Variants in PIBF1 observed in about 807,000 individuals in gnomAD.
PIBF1 encodes progesterone-induced-blocking factor 1.
Under a neutral mutation model 112.5 loss-of-function variants are expected in PIBF1, and 90 were observed. The observed-to-expected ratio is 0.80, with a 90% CI of 0.67 to 0.95. The LOEUF (loss-of-function observed/expected upper bound fraction) is 0.95, where lower values mean the gene tolerates loss of function less well. PIBF1 is among the 40% of genes least tolerant of loss of function. The pLI is 0.00. For synonymous variants in PIBF1, 301 were observed against 288.6 expected (o/e 1.04, Z -0.44); for missense variants, 915 against 852.3 (o/e 1.07, Z -0.92).
intron 15 of PIBF1, among the ~76,000 whole-genome samples, chr13:72,971,067 A>C (rs2042875651): frequency 6.6e-6 from 1 of 152,188 alleles, no homozygotes; most frequent in South Asian, 2.1e-4. Flanking sequence ...AAAACACGAC[A>C]ATATAAAAGC....
At chr13:72,812,408 A>G (rs1461670099) in intron 5 of PIBF1, among the ~76,000 whole-genome samples, 1 of 152,074 alleles carries the variant, frequency 6.6e-6, no homozygotes, top group Non-Finnish European at 1.5e-5. Context: ...TTGTCATGGC[A>G]TTAGCACCAC....
At position 73,002,983 on chromosome 13, in the gene PIBF1, C is replaced by CAAAAAA. The variant is rs1161228077; in HGVS notation, c.2223+4007_2223+4012dup. Among the ~76,000 whole-genome samples, 196 of 57,394 alleles carry CAAAAAA rather than the reference C, an allele frequency of 3.4e-3. 18 individuals carry two copies. The highest frequency in any genetic ancestry group is 0.029 in the Middle Eastern group (1 of 34). 37.7% of individuals were successfully genotyped at this position (57,394 alleles called of 152,430 possible). ...GGACGACACAGCAAGACTCTGGTCT[C>CAAAAAA]AAAAAAAAAAAAAAAAAAAAAAAAG... is the stretch of plus-strand genomic sequence containing the variant. On this transcript the variant is annotated intron_variant, in intron 17 of 17. Coordinates refer to ENST00000326291, the MANE Select transcript of PIBF1 (RefSeq NM_006346.4).
chr13:72,958,833 A>G, intron 14 of PIBF1, among the ~76,000 whole-genome samples: 1 of 152,188 alleles, frequency 6.6e-6, no homozygotes, highest in East Asian at 1.9e-4. Context: ...TTTACGTACT[A>G]ATTTGGATGG....
At chr13:72,844,083 T>C (rs907987336) in intron 9 of PIBF1, among the ~76,000 whole-genome samples, 2 of 152,212 alleles carry the variant, frequency 1.3e-5, no homozygotes, top group African/African-American at 4.8e-5. Flanking sequence ...TACTCAACAC[T>C]TTACATACGT....
chr13:72,964,852 A>G lies in PIBF1; in HGVS notation c.1834-422A>G, dbSNP rs187647203. ...CTGAGGTGGGCGATCACCTGAGGTC[A>G]GGAGTTCAAGACCAGCCTGGCCAAC... On this transcript the variant is annotated intron_variant, in intron 14 of 17. Coordinates refer to ENST00000326291, the MANE Select transcript of PIBF1 (RefSeq NM_006346.4). Among the ~76,000 whole-genome samples, 1,294 of 152,272 alleles carry G rather than the reference A, an allele frequency of 8.5e-3. 65 individuals carry two copies. The highest frequency in any genetic ancestry group is 9.5e-3 in the East Asian group (49 of 5,170).
At chr13:73,013,072 C>A (rs1199480477) in intron 17 of PIBF1, among the ~76,000 whole-genome samples, 1 of 149,888 alleles carries the variant, frequency 6.7e-6, no homozygotes, top group Non-Finnish European at 1.5e-5. Flanking sequence ...GAGGCCGAGG[C>A]GGGCGGATCA....
chr13:72,850,220 T>C (rs1204469391), intron 9 of PIBF1, among the ~76,000 whole-genome samples: 1 of 152,212 alleles, frequency 6.6e-6, no homozygotes, highest in Non-Finnish European at 1.5e-5. Flanking sequence ...GGTAGAAGCC[T>C]TAGCTTCTTC....
intron 10 of PIBF1, among the ~76,000 whole-genome samples, chr13:72,856,146 A>G (rs1434354846): frequency 2.6e-5 from 4 of 152,214 alleles, no homozygotes; most frequent in East Asian, 3.9e-4. Context: ...ACCTAAAAGT[A>G]TCTATTAAAC....
At chr13:72,807,409 T>C (rs114089329) in intron 5 of PIBF1, among the ~76,000 whole-genome samples, 251 of 152,254 alleles carry the variant, frequency 1.6e-3, no homozygotes, top group African/African-American at 5.8e-3. Context: ...ACTCCGTCTC[T>C]ATTAAAAATA....
At chr13:72,861,532 A>T (rs922853822) in intron 10 of PIBF1, among the ~76,000 whole-genome samples, 5 of 152,172 alleles carry the variant, frequency 3.3e-5, no homozygotes, top group Non-Finnish European at 7.3e-5. Context: ...TAAAGAAATC[A>T]GCTGTCCTAA....
At chr13:72,899,959 C>G (rs555545923) in intron 11 of PIBF1, among the ~76,000 whole-genome samples, 11 of 152,278 alleles carry the variant, frequency 7.2e-5, no homozygotes, top group Admixed American at 4.6e-4. Context: ...TATACACCAA[C>G]AGCGACCAGG....
intron 9 of PIBF1, among the ~76,000 whole-genome samples, chr13:72,851,698 G>A (rs1038205884): frequency 1.3e-5 from 2 of 152,208 alleles, no homozygotes; most frequent in South Asian, 2.1e-4. Context: ...TTCACAGAAC[G>A]GAGTGAGAAC....
intron 2 of PIBF1, among the ~76,000 whole-genome samples, chr13:72,786,162 T>C (rs1160851587): frequency 6.6e-6 from 1 of 152,192 alleles, no homozygotes; most frequent in Non-Finnish European, 1.5e-5. Flanking sequence ...TTACATATTA[T>C]TTTATTTGTA....
At chr13:72,813,032 C>A (rs986741800) in intron 5 of PIBF1, among the ~76,000 whole-genome samples, 3 of 152,022 alleles carry the variant, frequency 2.0e-5, no homozygotes, top group Non-Finnish European at 2.9e-5. Context: ...AAATAAAGGC[C>A]AGGTGCTATC....
At chr13:72,828,371 C>T (rs957259851) in intron 8 of PIBF1, among the ~76,000 whole-genome samples, 5 of 151,262 alleles carry the variant, frequency 3.3e-5, no homozygotes, top group Non-Finnish European at 5.9e-5. Flanking sequence ...TGGTTTGCTG[C>T]ACCCATCAAC....
intron 2 of PIBF1, among the ~76,000 whole-genome samples, chr13:72,789,954 T>C (rs2034811799): frequency 2.6e-5 from 4 of 152,230 alleles, no homozygotes; most frequent in African/African-American, 9.6e-5. Context: ...GTGTTTATTT[T>C]ACATTTTATA....
At chr13:72,833,733 C>CTT (rs1849321504) in intron 8 of PIBF1, among the ~76,000 whole-genome samples, 2 of 152,116 alleles carry the variant, frequency 1.3e-5, no homozygotes, top group African/African-American at 4.8e-5. Context: ...GGGTCAGGGA[C>CTT]CCACTTGAGG....
At chr13:72,783,865 G>A (rs922195683) in intron 2 of PIBF1, 144 bp downstream of exon 2, 1 of 854,506 alleles carries the variant, frequency 1.2e-6, no homozygotes, top group Non-Finnish European at 1.8e-6. Flanking sequence ...TAATTTTGGT[G>A]TTCATAGAAG....
chr13:72,913,776 T>A (rs1338874763), intron 12 of PIBF1, among the ~76,000 whole-genome samples: 2 of 150,762 alleles, frequency 1.3e-5, no homozygotes, highest in South Asian at 2.1e-4. Context: ...AAAAAAAAAA[T>A]TGCAGATGTT....
Sources: gnomAD v4.1 joint callset for allele counts (sites outside exome capture counted in the v4.1 genomes callset) on GRCh38, gnomAD v4.1.1 for gene constraint, MANE v1.5 for transcripts, NCBI Gene and HGNC (gene_info 2026-07-23, HGNC 2026-07-21) for gene names.